The following ATXN1 variants were observed in gnomAD, a reference collection of about 807,000 sequenced individuals.
ATXN1 encodes ataxin 1.
In ATXN1, 8 loss-of-function variants were observed where a neutral mutation model predicts 56.4. The ratio of observed to expected loss-of-function variants is 0.14; its 90% CI spans 0.08 to 0.26. The LOEUF is 0.26. Among genes scored for constraint, ATXN1 ranks in the 10% least tolerant of loss-of-function variants. The probability of loss-of-function intolerance (pLI) is 1.00; values close to 1 mark genes in which losing one functional copy is unlikely to be tolerated. For missense variants in ATXN1, 987 were observed against 1,106.5 expected (o/e 0.89, Z 1.53); for synonymous variants, 514 against 494.6 (o/e 1.04, Z -0.52).
At chr6:16,465,775 A>G (rs954182070) in intron 6 of ATXN1, among the ~76,000 whole-genome samples, 1 of 152,150 alleles carries the variant, frequency 6.6e-6, no homozygotes, top group African/African-American at 2.4e-5. Flanking sequence ...TGAAAGACAG[A>G]GTCACTCCAG....
Position 16,663,933 on chromosome 6 carries a change from A to C in ATXN1, c.-614-6032T>G, listed in dbSNP as rs141746407. Among the ~76,000 whole-genome samples the C allele has an allele frequency of 3.7e-4, 56 of 152,348 alleles. No homozygotes were observed. The East Asian group carries it at 7.1e-3, about 19-fold the overall frequency. The stretch of plus-strand genomic sequence containing the variant: ...GAAACTAAAGCACTGGAAAGAAAGA[A>C]TCATAAAAAGAAATACAACAAAACC... On this transcript the variant is annotated intron_variant, in intron 2 of 7. Coordinates refer to ENST00000436367, the MANE Select transcript of ATXN1 (RefSeq NM_001128164.2).
At chr6:16,465,081 C>A (rs568581393) in intron 6 of ATXN1, among the ~76,000 whole-genome samples, 9 of 152,246 alleles carry the variant, frequency 5.9e-5, no homozygotes, top group East Asian at 1.9e-4. Flanking sequence ...AAAACAAAAA[C>A]AACAACAACA....
intron 6 of ATXN1, among the ~76,000 whole-genome samples, chr6:16,417,887 C>T (rs768130906): frequency 2.1e-4 from 32 of 152,180 alleles, no homozygotes; most frequent in Non-Finnish European, 4.4e-4. Flanking sequence ...CTACCTGCCA[C>T]TACCCTAGTT....
intron 4 of ATXN1, among the ~76,000 whole-genome samples, chr6:16,568,557 T>C (rs1018319376): frequency 2.0e-5 from 3 of 152,210 alleles, no homozygotes; most frequent in African/African-American, 4.8e-5. Context: ...GCTTATAATA[T>C]AGACAAACTC....
intron 6 of ATXN1, among the ~76,000 whole-genome samples, chr6:16,367,271 G>A (rs987331860): frequency 6.6e-6 from 1 of 152,078 alleles, no homozygotes; most frequent in Non-Finnish European, 1.5e-5. Flanking sequence ...TGGGAAAGGG[G>A]CAGTTATAAA....
At chr6:16,564,883 C>T (rs1264665087) in intron 4 of ATXN1, among the ~76,000 whole-genome samples, 6 of 152,092 alleles carry the variant, frequency 3.9e-5, no homozygotes, top group Admixed American at 2.0e-4. Flanking sequence ...TCAATGCCTC[C>T]TGCTCCCCAT....
intron 7 of ATXN1, among the ~76,000 whole-genome samples, chr6:16,309,923 A>G (rs1313457865): frequency 6.6e-6 from 1 of 152,014 alleles, no homozygotes; most frequent in Non-Finnish European, 1.5e-5. Flanking sequence ...AATCCCAGCT[A>G]CTCGGGGGGC....
intron 1 of ATXN1, chr6:16,761,065 T>TACACAC (rs3831007): frequency 1.1e-4 from 37 of 324,092 alleles, no homozygotes; most frequent in Non-Finnish European, 1.7e-4. Context: ...TGTACACACA[T>TACACAC]ACACACACAC....
intron 3 of ATXN1, among the ~76,000 whole-genome samples, chr6:16,627,000 G>C (rs1223888196): frequency 6.6e-6 from 1 of 152,190 alleles, no homozygotes; most frequent in Non-Finnish European, 1.5e-5. Context: ...CACTCAGTCT[G>C]GGTTACTTTG....
intron 4 of ATXN1, among the ~76,000 whole-genome samples, chr6:16,553,243 T>C (rs1470132817): frequency 1.3e-5 from 2 of 152,184 alleles, no homozygotes; most frequent in African/African-American, 4.8e-5. Flanking sequence ...CTCGAACACT[T>C]ATTACAAATG....
chr6:16,745,486 G>A (rs1760500896), intron 2 of ATXN1, among the ~76,000 whole-genome samples: 3 of 151,924 alleles, frequency 2.0e-5, no homozygotes, highest in Admixed American at 6.6e-5. Flanking sequence ...AAAGATATAA[G>A]TTACATCATC....
At chr6:16,678,539 A>C (rs1235254195) in intron 2 of ATXN1, among the ~76,000 whole-genome samples, 1 of 152,240 alleles carries the variant, frequency 6.6e-6, no homozygotes, top group Non-Finnish European at 1.5e-5. Context: ...ATGAGAAATC[A>C]GAGACAGAAA....
intron 6 of ATXN1, among the ~76,000 whole-genome samples, chr6:16,385,420 CA>C (rs1758220076): frequency 6.6e-6 from 1 of 152,150 alleles, no homozygotes; most frequent in Non-Finnish European, 1.5e-5. Flanking sequence ...GCTGCAGGGG[CA>C]GTAAGCATGG....
rs1027682987 is a variant in ATXN1 at position 16,487,284 on chromosome 6, C to G, written c.-298-1175G>C. On this transcript the variant is annotated intron_variant, in intron 5 of 7. Transcript: ENST00000436367. ...AAATCATGAGCATGCACAGAAAAAACAGTTGTAGTATTAGCATTGTGGGTG... is the reference window on the plus strand; with the variant it reads ...AAATCATGAGCATGCACAGAAAAAAGAGTTGTAGTATTAGCATTGTGGGTG... Among the ~76,000 whole-genome samples the G allele has an allele frequency of 2.8e-3, 431 of 151,768 alleles. 2 individuals carry two copies. The highest frequency in any genetic ancestry group is 9.1e-3 in the African/African-American group (376 of 41,324).
intron 2 of ATXN1, among the ~76,000 whole-genome samples, chr6:16,701,790 C>T (rs536052602): frequency 6.6e-6 from 1 of 152,210 alleles, no homozygotes; most frequent in African/African-American, 2.4e-5. Flanking sequence ...ATGTGAAGAA[C>T]CCCTTCAAGG....
intron 3 of ATXN1, among the ~76,000 whole-genome samples, chr6:16,596,179 TG>T (rs901394594): frequency 2.0e-5 from 3 of 152,060 alleles, no homozygotes; most frequent in Admixed American, 6.6e-5. Flanking sequence ...ACTTATTTTT[TG>T]TAAAGACGAG....
intron 4 of ATXN1, among the ~76,000 whole-genome samples, chr6:16,558,519 C>A (rs1458837229): frequency 6.6e-6 from 1 of 151,992 alleles, no homozygotes; most frequent in African/African-American, 2.4e-5. Context: ...CAGGCGTGCG[C>A]CACCATGTTT....
chr6:16,321,937 C>T (rs1321223976), intron 7 of ATXN1, among the ~76,000 whole-genome samples: 9 of 152,172 alleles, frequency 5.9e-5, no homozygotes, highest in African/African-American at 9.7e-5. Flanking sequence ...AAGAATCATA[C>T]GTGGCCGGGC....
intron 6 of ATXN1, among the ~76,000 whole-genome samples, chr6:16,428,410 T>C (rs2237201): frequency 0.63 from 94,955 of 151,610 alleles, 29,850 homozygotes; most frequent in South Asian, 0.71. Flanking sequence ...TGAGCCACCA[T>C]GCTCAGCTGA....
Sources: gnomAD v4.1 joint callset for allele counts (sites outside exome capture counted in the v4.1 genomes callset) on GRCh38, gnomAD v4.1.1 for gene constraint, MANE v1.5 for transcripts, NCBI Gene and HGNC (gene_info 2026-07-23, HGNC 2026-07-21) for gene names.